Variants in DNAH2 observed in about 807,000 individuals in gnomAD.
DNAH2 encodes dynein axonemal heavy chain 2.
A neutral mutation model predicts 523.5 loss-of-function variants in DNAH2; 323 were observed. The observed-to-expected ratio is 0.62, with a 90% confidence interval of 0.56 to 0.68. DNAH2 has a LOEUF of 0.68. DNAH2 is among the 30% of genes least tolerant of loss of function. DNAH2 has a pLI of 0.00. For synonymous variants in DNAH2, 2,093 were observed against 2,177.4 expected (o/e 0.96, Z 1.08); for missense variants, 4,907 against 5,701.5 (o/e 0.86, Z 4.49).
intron 46 of DNAH2, 136 bp downstream of exon 46, chr17:7,792,479 G>A: frequency 9.3e-7 from 1 of 1,072,490 alleles, no homozygotes; most frequent in Non-Finnish European, 1.4e-6. Flanking sequence ...TGCCTCTTGA[G>A]GACAGGAAGC....
intron 64 of DNAH2, 107 bp from the exon 65 acceptor site, chr17:7,817,183 C>A: frequency 6.9e-7 from 1 of 1,439,482 alleles, no homozygotes. Context: ...AGGGAAAGAT[C>A]CTCTTTGAAC....
chr17:7,792,923 C>G, intron 47 of DNAH2, 58 bp from the exon 48 acceptor site: 1 of 1,603,454 alleles, frequency 6.2e-7, no homozygotes, highest in South Asian at 1.1e-5. Flanking sequence ...TGACCCTCCT[C>G]TCTAAGCCCG....
rs1375324666 is a variant in DNAH2, at chr17:7,828,932, G to A, written c.11854-1368G>A. On this transcript the variant is annotated intron_variant, in intron 77 of 85. Coordinates refer to ENST00000572933, the MANE Select transcript of DNAH2 (RefSeq NM_020877.5). This position sits in a 1 kb window ranked among gnomAD's most constrained non-coding sequence, Gnocchi z 4.1. ...AGTCATAGATAAGTCTTTTTAAAACGCTGTTTGAACAGATTGCTGTCCTAC... is the reference window on the plus strand; with the variant it reads ...AGTCATAGATAAGTCTTTTTAAAACACTGTTTGAACAGATTGCTGTCCTAC... Among the ~76,000 whole-genome samples the A allele has an allele frequency of 2.0e-5, 3 of 151,958 alleles. No individual in the cohort carries two copies. The highest frequency in any genetic ancestry group is 6.6e-5 in the Admixed American group (1 of 15,250).
In DNAH2 at chr17:7,780,294, T is replaced by C. The variant is rs1345480511; in HGVS notation, c.5850+10T>C. 2 of 1,613,986 alleles carry C rather than the reference T, an allele frequency of 1.2e-6. No individual in the cohort carries two copies. The highest frequency in any genetic ancestry group is 1.7e-6 in the Non-Finnish European group (2 of 1,180,012). The stretch of plus-strand genomic sequence containing the variant: ...CTTTGGCAACTGCAAGGTACTCCAA[T>C]AACCCCTTTTCTCCAGTGATTTTAA... On this transcript the variant is annotated intron_variant, in intron 37 of 85. Coordinates refer to ENST00000572933, the MANE Select transcript of DNAH2 (RefSeq NM_020877.5). This position sits in a 1 kb window ranked among gnomAD's most constrained non-coding sequence, Gnocchi z 4.4.
intron 21 of DNAH2, among the ~76,000 whole-genome samples, chr17:7,766,072 C>T (rs556570551): frequency 1.2e-4 from 18 of 152,158 alleles, no homozygotes; most frequent in African/African-American, 3.1e-4. Flanking sequence ...CCACCGCGCC[C>T]GGCCCGCATT....
chr17:7,770,760 G>A lies in DNAH2; in HGVS notation c.4189G>A (p.Glu1397Lys), dbSNP rs372011332. The change falls in exon 27 of 86, where the codon GAA (glutamate) becomes AAA (lysine). Residue 1397 changes from glutamate (E) to lysine (K), a missense_variant. By Grantham distance (56) the Glu-to-Lys change is moderately conservative. Coordinates refer to ENST00000572933, the MANE Select transcript of DNAH2 (RefSeq NM_020877.5). ...DKGHHRLRGT[E>K]EVFQALEDNQ... The stretch of plus-strand genomic sequence containing the variant: ...TGACCCCTTGTGTCTCAGAGGTACA[G>A]AAGAAGTATTCCAGGCACTGGAAGA... The A allele has an allele frequency of 2.2e-4, 350 of 1,614,054 alleles. No individual in the cohort carries two copies. Among genetic ancestry groups the A allele is most frequent in the Non-Finnish European group, 2.9e-4 (340 of 1,180,042 alleles).
At chr17:7,808,475 G>T (rs550814675) in intron 63 of DNAH2, among the ~76,000 whole-genome samples, 1 of 152,090 alleles carries the variant, frequency 6.6e-6, no homozygotes, top group East Asian at 1.9e-4. Flanking sequence ...TTTATCATTT[G>T]ATTTTTTAAA....
intron 33 of DNAH2, 96 bp downstream of exon 33, chr17:7,777,730 C>A: frequency 6.8e-7 from 1 of 1,467,976 alleles, no homozygotes; most frequent in Non-Finnish European, 9.4e-7. Flanking sequence ...TATCCTAAGC[C>A]AACCCTTAGT....
chr17:7,809,048 C>T (rs547041923), intron 63 of DNAH2, among the ~76,000 whole-genome samples: 22 of 152,302 alleles, frequency 1.4e-4, no homozygotes, highest in Admixed American at 5.9e-4. Flanking sequence ...AACTGTTCCC[C>T]ATTTGAGGGA....
intron 9 of DNAH2, 74 bp downstream of exon 9, chr17:7,740,012 C>T: frequency 3.4e-6 from 5 of 1,470,766 alleles, no homozygotes; most frequent in South Asian, 1.2e-5. Context: ...GGAGGAGTGG[C>T]GAGAGTATGC....
At chr17:7,801,170 G>A (rs1052600832) in intron 56 of DNAH2, among the ~76,000 whole-genome samples, 4 of 152,062 alleles carry the variant, frequency 2.6e-5, no homozygotes, top group African/African-American at 9.7e-5. Flanking sequence ...CCAGTGCCCG[G>A]CCTACCATTT....
At chr17:7,805,423 T>C in intron 61 of DNAH2, 30 bp downstream of exon 61, 1 of 1,613,606 alleles carries the variant, frequency 6.2e-7, no homozygotes, top group Non-Finnish European at 8.5e-7. Context: ...ATCAATGACT[T>C]CCACTCACCC....
Position 7,807,938 on chromosome 17 carries a change from A to G in DNAH2, c.9729+352A>G, listed in dbSNP as rs1225292343. On this transcript the variant is annotated intron_variant, in intron 63 of 85. Coordinates refer to ENST00000572933, the MANE Select transcript of DNAH2 (RefSeq NM_020877.5). This position sits in a 1 kb window ranked among gnomAD's most constrained non-coding sequence, Gnocchi z 5.6. Reference sequence around the variant, plus strand: ...TGGTCTTTGCCAGAGGGATGGGTCAAGAGTGTCTGTGTCGCTTCTGTGGAC... The same window carrying G: ...TGGTCTTTGCCAGAGGGATGGGTCAGGAGTGTCTGTGTCGCTTCTGTGGAC... Among the ~76,000 whole-genome samples the G allele has an allele frequency of 6.6e-6, 1 of 152,172 alleles. No homozygotes were observed. The highest frequency in any genetic ancestry group is 1.9e-4 in the East Asian group (1 of 5,186).
chr17:7,804,886 TCCA>T, intron 59 of DNAH2, 69 bp from the exon 60 acceptor site: 1 of 1,328,242 alleles, frequency 7.5e-7, no homozygotes, highest in Non-Finnish European at 1.1e-6. Context: ...TTTCATCTTT[TCCA>T]CCAACACCGT....
At position 7,724,899 on chromosome 17, in the gene DNAH2, C is replaced by T. The variant is rs9911910; in HGVS notation, c.228+1210C>T. Among the ~76,000 whole-genome samples the T allele has an allele frequency of 5.4e-3, 819 of 150,978 alleles. 11 individuals carry two copies. Among genetic ancestry groups the T allele is most frequent in the African/African-American group, 0.019 (777 of 41,134 alleles). On this transcript the variant is annotated intron_variant, in intron 3 of 85. Coordinates refer to ENST00000572933, the MANE Select transcript of DNAH2 (RefSeq NM_020877.5). ...CTGGGATTACAGGCATGCACCACCA[C>T]GCCCAGCTAATTTTTGTATTTTTAG...
chr17:7,827,979 G>A lies in DNAH2; in HGVS notation c.11854-2321G>A, dbSNP rs553052232. 1.7e-3 allele frequency among the ~76,000 whole-genome samples: 256 copies of A among 152,120 alleles called. 1 individual carries two copies. The highest frequency in any genetic ancestry group is 5.9e-3 in the African/African-American group (243 of 41,428). ...GGATGGAGTCTCACTCTGTGGCCCA[G>A]ACTGGAGTGCACTGGCACCATCTTG... On this transcript the variant is annotated intron_variant, in intron 77 of 85. Transcript: ENST00000572933.
chr17:7,831,567 A>C lies in DNAH2; in HGVS notation c.12611+26A>C, dbSNP rs2078176077. The C allele has an allele frequency of 6.2e-7, 1 of 1,613,986 alleles. No homozygotes were observed. Among genetic ancestry groups the C allele is most frequent in the African/African-American group, 1.3e-5 (1 of 74,918 alleles). ...GTAAGACAGAGGGGGACTCTGCGGA[A>C]CAGGGGAGGGTGTGAGGAGAAGCCT... On this transcript the variant is annotated intron_variant, in intron 81 of 85. Coordinates refer to ENST00000572933, the MANE Select transcript of DNAH2 (RefSeq NM_020877.5). This position sits in a 1 kb window ranked among gnomAD's most constrained non-coding sequence, Gnocchi z 4.2.
chr17:7,820,058 C>T (rs979317477), intron 72 of DNAH2, among the ~76,000 whole-genome samples: 1 of 152,176 alleles, frequency 6.6e-6, no homozygotes, highest in African/African-American at 2.4e-5. Context: ...ATCCTCCTGC[C>T]ATGGTCTCCC....
At chr17:7,722,999 TC>T (rs1180387636) in intron 2 of DNAH2, among the ~76,000 whole-genome samples, 29 of 144,954 alleles carry the variant, frequency 2.0e-4, no homozygotes, top group African/African-American at 1.8e-4. Flanking sequence ...GACAGAGTCT[TC>T]GCTCTGTTGC....
Sources: allele counts gnomAD v4.1 joint callset (sites outside exome capture counted in the v4.1 genomes callset), GRCh38; gene constraint gnomAD v4.1.1; non-coding constraint Gnocchi (gnomAD v3.1); transcripts MANE v1.5; gene names NCBI Gene and HGNC (gene_info 2026-07-23, HGNC 2026-07-21).